The following PMS1 variants were observed in gnomAD, a reference collection of about 807,000 sequenced individuals.
The protein encoded by PMS1 is PMS1 protein homolog 1.
PMS1 carries 79 observed loss-of-function variants against 93.1 expected under a neutral mutation model. The ratio of observed to expected loss-of-function variants is 0.85; its 90% CI spans 0.71 to 1.02. The LOEUF (loss-of-function observed/expected upper bound fraction) is 1.02. Ranked by LOEUF, PMS1 falls within the 50% of genes least tolerant of loss-of-function variation. PMS1 has a pLI of 0.00. For missense variants in PMS1, 1,064 were observed against 1,085.3 expected (o/e 0.98, Z 0.28); for synonymous variants, 335 against 363.4 (o/e 0.92, Z 0.89).
intron 6 of PMS1, among the ~76,000 whole-genome samples, chr2:189,847,936 G>A (rs1192597317): frequency 1.3e-5 from 2 of 152,040 alleles, no homozygotes; most frequent in Non-Finnish European, 1.5e-5. Context: ...ATGGAAGCTT[G>A]TACTCAGGTA....
chr2:189,873,736 C>A, intron 12 of PMS1, 80 bp downstream of exon 12: 2 of 1,012,724 alleles, frequency 2.0e-6, no homozygotes, highest in Non-Finnish European at 3.1e-6. Flanking sequence ...CCAGGCCACA[C>A]AGCAGGAGGT....
intron 5 of PMS1, among the ~76,000 whole-genome samples, chr2:189,819,097 T>C (rs1462170780): frequency 6.6e-6 from 1 of 152,226 alleles, no homozygotes; most frequent in East Asian, 1.9e-4. Context: ...CCACACTCTA[T>C]GTCCATACAT....
intron 3 of PMS1, among the ~76,000 whole-genome samples, chr2:189,803,643 C>A (rs2050084026): frequency 6.6e-6 from 1 of 151,016 alleles, no homozygotes; most frequent in South Asian, 2.1e-4. Flanking sequence ...TGTGCCCGGT[C>A]CAAAAAAAAG....
In PMS1 at chr2:189,817,808, C is replaced by T. The variant is rs72905331; in HGVS notation, c.419-209C>T. Among the ~76,000 whole-genome samples, 558 of 152,230 alleles carry T rather than the reference C, an allele frequency of 3.7e-3. 5 individuals are homozygous for T. Among genetic ancestry groups the T allele is most frequent in the Middle Eastern group, 0.01 (3 of 292 alleles). On this transcript the variant is annotated intron_variant, in intron 4 of 12. Coordinates refer to ENST00000441310, the MANE Select transcript of PMS1 (RefSeq NM_000534.5). ...ATTATACTTCTTTAGACCACATAGA[C>T]GAGGTCATACTTCGTAGGTCAGTCT... is the stretch of plus-strand genomic sequence containing the variant.
chr2:189,837,605 A>C (rs1054322642), intron 5 of PMS1, among the ~76,000 whole-genome samples: 5 of 152,226 alleles, frequency 3.3e-5, no homozygotes, highest in Admixed American at 1.3e-4. Context: ...TCCAGAGTGC[A>C]TGTGCACGCA....
intron 12 of PMS1, among the ~76,000 whole-genome samples, chr2:189,875,031 G>GA (rs201671672): frequency 1.3e-5 from 2 of 148,818 alleles, no homozygotes; most frequent in East Asian, 1.9e-4. Flanking sequence ...AATGGGCTAG[G>GA]AAAAAAAAAG....
In PMS1 at chr2:189,854,015, A is replaced by G. The variant is rs574137844; in HGVS notation, c.899A>G (p.Asp300Gly). The change falls in exon 8 of 13, where the codon GAT becomes GGT. Residue 300 changes from aspartate (D) to glycine (G), a missense_variant. By Grantham distance (94) the Asp-to-Gly change is moderately conservative. Transcript: ENST00000441310. ...TATCCTGTTTTCTTTCTGAAAATCGATGTTCCTACAGCTGATGTTGATGTA... is the reference window on the plus strand; with the variant it reads ...TATCCTGTTTTCTTTCTGAAAATCGGTGTTCCTACAGCTGATGTTGATGTA... ...RLYPVFFLKI[D>G]VPTADVDVNL... 1.9e-6 allele frequency: 3 copies of G among 1,608,884 alleles called. No individual in the cohort carries two copies. Among genetic ancestry groups the G allele is most frequent in the South Asian group, 1.1e-5 (1 of 90,058 alleles).
chr2:189,857,668 A>T (rs2055494003), intron 9 of PMS1, among the ~76,000 whole-genome samples: 1 of 151,398 alleles, frequency 6.6e-6, no homozygotes, highest in African/African-American at 2.4e-5. Flanking sequence ...GGTTTTCTGC[A>T]TATAAGGCCT....
intron 5 of PMS1, among the ~76,000 whole-genome samples, chr2:189,827,986 T>C (rs182210840): frequency 2.0e-5 from 3 of 151,594 alleles, no homozygotes; most frequent in African/African-American, 7.3e-5. Context: ...TGCAGTGGTG[T>C]GATCTCGGCT....
chr2:189,793,645 A>C (rs1484783952), intron 2 of PMS1, among the ~76,000 whole-genome samples: 2 of 152,214 alleles, frequency 1.3e-5, no homozygotes, highest in Non-Finnish European at 2.9e-5. Context: ...TCTTTTTCTT[A>C]AACATTTCTG....
chr2:189,835,064 T>C (rs1338786621), intron 5 of PMS1, among the ~76,000 whole-genome samples: 1 of 152,194 alleles, frequency 6.6e-6, no homozygotes, highest in African/African-American at 2.4e-5. Context: ...AACCCAAAAA[T>C]GTATGAAAAG....
intron 5 of PMS1, among the ~76,000 whole-genome samples, chr2:189,838,396 G>T (rs2053561284): frequency 6.6e-6 from 1 of 152,096 alleles, no homozygotes; most frequent in Non-Finnish European, 1.5e-5. Context: ...TATTTAGTGG[G>T]CCTTACTAGG....
chr2:189,829,931 A>G lies in PMS1; in HGVS notation c.582+11751A>G, dbSNP rs5743065. Among the ~76,000 whole-genome samples, 272 of 152,252 alleles carry G rather than the reference A, an allele frequency of 1.8e-3. 2 individuals are homozygous for G. Among genetic ancestry groups the G allele is most frequent in the African/African-American group, 6.3e-3 (260 of 41,534 alleles). On this transcript the variant is annotated intron_variant, in intron 5 of 12. Transcript: ENST00000441310. ...GTATCCTAATGGACTCTCCCTGCTT[A>G]CTTCTTATCCTCTTCAGTGTATTTT...
chr2:189,857,621 C>A, intron 9 of PMS1: 1 of 364,348 alleles, frequency 2.7e-6, no homozygotes. Context: ...CTCGATTCCT[C>A]CTTTCCCTTC....
At position 189,873,625 on chromosome 2, in the gene PMS1, G is replaced by A. The variant is rs564962629; in HGVS notation, c.2603G>A (p.Cys868Tyr). ...AGAAATGCAAAGGAAGTTTATGAAT[G>A]TAGACCTCGCAAAGTGATAAGTTAT... ...LNRNAKEVYECRPRKVISYLE... is the reference protein window; with the variant it reads ...LNRNAKEVYEYRPRKVISYLE... The change falls in exon 12 of 13, where the codon TGT becomes TAT. Residue 868 changes from cysteine to tyrosine, a missense_variant. Physicochemically the swap from Cys to Tyr is radical, Grantham distance 194. Coordinates refer to ENST00000441310, the MANE Select transcript of PMS1 (RefSeq NM_000534.5). 5.6e-6 allele frequency: 9 copies of A among 1,606,744 alleles called. No individual in the cohort carries two copies. The highest frequency in any genetic ancestry group is 1.3e-5 in the African/African-American group (1 of 74,898).
intron 12 of PMS1, among the ~76,000 whole-genome samples, chr2:189,876,730 C>G (rs566650141): frequency 6.6e-6 from 1 of 151,804 alleles, no homozygotes; most frequent in South Asian, 2.1e-4. Context: ...GCCTCGGCCT[C>G]CCATGTAGCT....
intron 9 of PMS1, chr2:189,856,075 AT>A (rs1252893945): frequency 6.6e-6 from 1 of 152,072 alleles, no homozygotes; most frequent in Non-Finnish European, 1.5e-5. Context: ...AACAATATCA[AT>A]TTAAAATGAT....
intron 11 of PMS1, 85 bp from the exon 12 acceptor site, chr2:189,873,410 TA>T (rs1283386962): frequency 6.7e-5 from 59 of 874,778 alleles, no homozygotes; most frequent in Non-Finnish European, 1.1e-4. Context: ...GAGGGTTCAC[TA>T]AATGTTTTAA....
intron 3 of PMS1, among the ~76,000 whole-genome samples, chr2:189,804,017 A>G (rs1559229319): frequency 1.3e-5 from 2 of 152,230 alleles, no homozygotes; most frequent in Non-Finnish European, 2.9e-5. Context: ...ATCTTGTAAG[A>G]TAAAGTGGTT....
Sources: allele counts gnomAD v4.1 joint callset (sites outside exome capture counted in the v4.1 genomes callset), GRCh38; gene constraint gnomAD v4.1.1; transcripts MANE v1.5; gene names NCBI Gene and HGNC (gene_info 2026-07-23, HGNC 2026-07-21).